Variants in LMNTD1 observed in about 807,000 individuals in gnomAD.
LMNTD1 encodes lamin tail domain-containing protein 1.
In LMNTD1, 35 loss-of-function variants were observed where a neutral mutation model predicts 50.9. The ratio of observed to expected loss-of-function variants is 0.69; its 90% CI spans 0.53 to 0.91. The LOEUF is 0.91. LMNTD1 is among the 40% of genes least tolerant of loss of function. The pLI is 0.00. For missense variants in LMNTD1, 470 were observed against 475.5 expected (o/e 0.99, Z 0.11); for synonymous variants, 153 against 161.9 (o/e 0.94, Z 0.42).
intron 9 of LMNTD1, among the ~76,000 whole-genome samples, chr12:25,501,839 C>A (rs566927921): frequency 6.6e-6 from 1 of 151,422 alleles, no homozygotes; most frequent in East Asian, 1.9e-4. Context: ...GAGCTGATAG[C>A]AATAGATAAA....
intron 4 of LMNTD1, among the ~76,000 whole-genome samples, chr12:25,543,185 T>G (rs985791592): frequency 5.9e-5 from 9 of 151,946 alleles, no homozygotes; most frequent in Admixed American, 2.6e-4. Flanking sequence ...ATAAGTTCTA[T>G]AAGACATTTA....
intron 8 of LMNTD1, among the ~76,000 whole-genome samples, chr12:25,509,057 T>A (rs1189670270): frequency 6.6e-6 from 1 of 152,200 alleles, no homozygotes; most frequent in African/African-American, 2.4e-5. Flanking sequence ...AAAGAAGATA[T>A]TACGTTGGAA....
intron 1 of LMNTD1, among the ~76,000 whole-genome samples, chr12:25,625,653 T>C (rs1946573700): frequency 1.3e-5 from 2 of 152,232 alleles, no homozygotes; most frequent in African/African-American, 4.8e-5. Context: ...ACTCCCCGGC[T>C]TACTACTCAT....
intron 1 of LMNTD1, among the ~76,000 whole-genome samples, chr12:25,591,722 T>G (rs1196592425): frequency 6.6e-6 from 1 of 151,674 alleles, no homozygotes; most frequent in Admixed American, 6.6e-5. Context: ...AGCTGTGTAC[T>G]GGCTTCAGGT....
At chr12:25,486,919 G>A (rs1280971892) in intron 9 of LMNTD1, among the ~76,000 whole-genome samples, 1 of 152,062 alleles carries the variant, frequency 6.6e-6, no homozygotes, top group Non-Finnish European at 1.5e-5. Flanking sequence ...GTATTTTATT[G>A]AGGATTTTTG....
chr12:25,559,304 T>C (rs547320711), intron 1 of LMNTD1, among the ~76,000 whole-genome samples: 2 of 152,278 alleles, frequency 1.3e-5, no homozygotes, highest in South Asian at 2.1e-4. Flanking sequence ...TGTTTGGTTT[T>C]CTGTCCTTGC....
chr12:25,539,946 C>T (rs1182825278), intron 4 of LMNTD1, among the ~76,000 whole-genome samples: 1 of 151,554 alleles, frequency 6.6e-6, no homozygotes, highest in Non-Finnish European at 1.5e-5. Context: ...ACTACAAACA[C>T]CTCTACACAA....
chr12:25,593,189 C>G (rs1945751541), intron 1 of LMNTD1, among the ~76,000 whole-genome samples: 1 of 152,050 alleles, frequency 6.6e-6, no homozygotes, highest in African/African-American at 2.4e-5. Context: ...TAGGGCCCCA[C>G]TCACCACCAT....
Position 25,519,586 on chromosome 12 carries a change from T to TAAAAAAAAAAAAAAAAAAA in LMNTD1, c.1016+271_1016+272insTTTTTTTTTTTTTTTTTTT, listed in dbSNP as rs781742784. Among the ~76,000 whole-genome samples, 491 of 74,828 alleles carry TAAAAAAAAAAAAAAAAAAA rather than the reference T, an allele frequency of 6.6e-3. 98 individuals are homozygous for TAAAAAAAAAAAAAAAAAAA. The highest frequency in any genetic ancestry group is 0.016 in the Middle Eastern group (2 of 122). The allele number at this position is 74,828 out of a possible 152,430, so 49.1% of individuals were successfully genotyped here. A position where few individuals can be genotyped will look rare whatever the true frequency, so the allele number is the denominator to read the frequency against. On this transcript the variant is annotated intron_variant, in intron 7 of 9. Transcript: ENST00000458174. ...CTGGGTGACAGAGCGAGACTCTGTC[T>TAAAAAAAAAAAAAAAAAAA]CAAAAAAAAAAAAAAAAAAAAAGTG...
chr12:25,507,979 A>G (rs1939943202), intron 8 of LMNTD1, among the ~76,000 whole-genome samples: 1 of 151,856 alleles, frequency 6.6e-6, no homozygotes. Context: ...AATAAGCTTC[A>G]TGTTATTAAT....
At chr12:25,495,787 A>G (rs1939043020) in intron 9 of LMNTD1, among the ~76,000 whole-genome samples, 1 of 152,178 alleles carries the variant, frequency 6.6e-6, no homozygotes, top group Non-Finnish European at 1.5e-5. Context: ...ATTGTGCTGG[A>G]ATGCCCTGTG....
intron 4 of LMNTD1, among the ~76,000 whole-genome samples, chr12:25,527,400 A>G (rs1486527182): frequency 6.6e-6 from 1 of 151,710 alleles, no homozygotes; most frequent in African/African-American, 2.4e-5. Context: ...AAAAACTTTA[A>G]ATAAACATAG....
intron 1 of LMNTD1, among the ~76,000 whole-genome samples, chr12:25,564,947 TTGC>T (rs908834077): frequency 6.6e-6 from 1 of 152,212 alleles, no homozygotes; most frequent in Non-Finnish European, 1.5e-5. Flanking sequence ...TTATAACCTC[TTGC>T]TGAATTGACC....
chr12:25,557,427 A>C (rs1466952663), upstream of LMNTD1: 1 of 152,222 alleles, frequency 6.6e-6, no homozygotes, highest in African/African-American at 2.4e-5. Context: ...AGTCTCAAAC[A>C]CTGGTTTGAA....
At chr12:25,576,928 G>A (rs976226216) in intron 1 of LMNTD1, among the ~76,000 whole-genome samples, 1 of 152,110 alleles carries the variant, frequency 6.6e-6, no homozygotes, top group African/African-American at 2.4e-5. Flanking sequence ...AGTTTTCCCA[G>A]CACCATTTAT....
chr12:25,516,341 T>C (rs968997465), intron 8 of LMNTD1, among the ~76,000 whole-genome samples: 1 of 152,230 alleles, frequency 6.6e-6, no homozygotes, highest in East Asian at 1.9e-4. Flanking sequence ...TTGTGTTGAA[T>C]AGCAAATGTT....
intron 1 of LMNTD1, among the ~76,000 whole-genome samples, chr12:25,604,996 C>G (rs969174248): frequency 5.9e-5 from 9 of 152,274 alleles, no homozygotes; most frequent in African/African-American, 1.9e-4. Flanking sequence ...TCTCCACATC[C>G]TCTCCAGCAC....
At chr12:25,496,889 G>A (rs1009683579) in intron 9 of LMNTD1, among the ~76,000 whole-genome samples, 44 of 152,010 alleles carry the variant, frequency 2.9e-4, no homozygotes, top group African/African-American at 1.0e-3. Flanking sequence ...TTCCAGCACA[G>A]CCCCTAGTAA....
intron 9 of LMNTD1, among the ~76,000 whole-genome samples, chr12:25,482,138 T>G (rs1357435470): frequency 6.6e-6 from 1 of 152,030 alleles, no homozygotes; most frequent in Non-Finnish European, 1.5e-5. Context: ...TATTCTGCTT[T>G]AAACTTTAGG....
Sources: gnomAD v4.1 joint callset for allele counts (sites outside exome capture counted in the v4.1 genomes callset) on GRCh38, gnomAD v4.1.1 for gene constraint, MANE v1.5 for transcripts, NCBI Gene and HGNC (gene_info 2026-07-23, HGNC 2026-07-21) for gene names.